Variants in SLC39A9 observed in about 807,000 individuals in gnomAD.
SLC39A9 encodes the protein zinc transporter ZIP9.
SLC39A9 carries 14 observed loss-of-function variants against 28.4 expected under a neutral mutation model. The ratio of observed to expected loss-of-function variants is 0.49; its 90% CI spans 0.33 to 0.77. The LOEUF is 0.77. Among genes scored for constraint, SLC39A9 ranks in the 30% least tolerant of loss-of-function variants. The probability of loss-of-function intolerance (pLI) is 0.02; values close to 1 mark genes in which losing one functional copy is unlikely to be tolerated. For synonymous variants in SLC39A9, 119 were observed against 149.6 expected (o/e 0.80, Z 1.49); for missense variants, 283 against 381.1 (o/e 0.74, Z 2.14).
rs199902329 is a variant in SLC39A9, at chr14:69,424,218, G to A, written c.205+16G>A. ...ATTCTTGAGGGTGAGAAAGGGAAGA[G>A]CATTATTTGAGATATGTTATTGACT... On this transcript the variant is annotated intron_variant, in intron 2 of 6. Coordinates refer to ENST00000336643, the MANE Select transcript of SLC39A9 (RefSeq NM_018375.5). 1,178 of 1,573,778 alleles carry A rather than the reference G, an allele frequency of 7.5e-4. 2 individuals are homozygous for A. Among genetic ancestry groups the A allele is most frequent in the Non-Finnish European group, 9.9e-4 (1,135 of 1,143,784 alleles).
In SLC39A9 at chr14:69,459,929, C is replaced by A; in HGVS notation, c.*1336C>A. 1 of 985,584 alleles carries A rather than the reference C, an allele frequency of 1.0e-6. No homozygotes were observed. Among genetic ancestry groups the A allele is most frequent in the Non-Finnish European group, 1.2e-6 (1 of 829,854 alleles). The allele number at this position is 985,584 out of a possible 1,614,324, so 61.1% of individuals were successfully genotyped here. A position where few individuals can be genotyped will look rare whatever the true frequency, so the allele number is the denominator to read the frequency against. ...AAAGAAATTACCTTTGTGTCAAATG[C>A]CGCTTTGTTGAGCCCTTAAAATACC... On this transcript the variant is annotated 3_prime_UTR_variant, in exon 7 of 7. Coordinates refer to ENST00000336643, the MANE Select transcript of SLC39A9 (RefSeq NM_018375.5).
At chr14:69,406,845 TTTG>T (rs1374177689) in intron 1 of SLC39A9, among the ~76,000 whole-genome samples, 2 of 119,726 alleles carry the variant, frequency 1.7e-5, no homozygotes, top group Non-Finnish European at 3.4e-5. Flanking sequence ...CTGGAAATTC[TTTG>T]TTTTTTTTTT....
chr14:69,454,487 TTAAC>T (rs1031685609), intron 4 of SLC39A9, among the ~76,000 whole-genome samples: 2 of 152,362 alleles, frequency 1.3e-5, no homozygotes, highest in Middle Eastern at 3.4e-3. Flanking sequence ...TAGAATTTGA[TTAAC>T]TAATCAATGG....
At chr14:69,440,250 G>A (rs1884977256) in intron 2 of SLC39A9, among the ~76,000 whole-genome samples, 1 of 152,024 alleles carries the variant, frequency 6.6e-6, no homozygotes, top group South Asian at 2.1e-4. Context: ...TCATGCCACT[G>A]CACTCCAACC....
intron 2 of SLC39A9, among the ~76,000 whole-genome samples, chr14:69,424,863 A>G (rs945146052): frequency 6.6e-6 from 1 of 152,236 alleles, no homozygotes; most frequent in Non-Finnish European, 1.5e-5. Flanking sequence ...TAAATCCATG[A>G]GCTGAATCCT....
chr14:69,403,549 G>C (rs1263181232), intron 1 of SLC39A9, among the ~76,000 whole-genome samples: 1 of 151,918 alleles, frequency 6.6e-6, no homozygotes, highest in Admixed American at 6.6e-5. Context: ...TTATAAAAAT[G>C]AAATAGTAGG....
At chr14:69,455,982 G>A (rs1885837844) in intron 6 of SLC39A9, 116 bp downstream of exon 6, 2 of 1,275,858 alleles carry the variant, frequency 1.6e-6, no homozygotes, top group South Asian at 1.5e-5. Context: ...GATAAAATTA[G>A]GAGTAAAAAC....
At chr14:69,410,581 G>C (rs1164410436) in intron 1 of SLC39A9, among the ~76,000 whole-genome samples, 1 of 152,192 alleles carries the variant, frequency 6.6e-6, no homozygotes, top group Non-Finnish European at 1.5e-5. Flanking sequence ...CAGCTGTAAG[G>C]ACTTGAAGAA....
In SLC39A9 at chr14:69,461,316, C is replaced by T; in HGVS notation, c.*2723C>T. 1 of 1,055,388 alleles carries T rather than the reference C, an allele frequency of 9.5e-7. No homozygotes were observed. The highest frequency in any genetic ancestry group is 1.1e-6 in the Non-Finnish European group (1 of 870,716). The allele number at this position is 1,055,388 out of a possible 1,614,324, so 65.4% of individuals were successfully genotyped here. A position where few individuals can be genotyped will look rare whatever the true frequency, so the allele number is the denominator to read the frequency against. ...AGTTAAAGAATACTACTGCTCCATT[C>T]CCCTCACTTATTCTCCAGTTAATTG... On this transcript the variant is annotated 3_prime_UTR_variant, in exon 7 of 7. Transcript: ENST00000336643.
At chr14:69,451,510 A>G (rs1377958768) in intron 3 of SLC39A9, among the ~76,000 whole-genome samples, 1 of 152,222 alleles carries the variant, frequency 6.6e-6, no homozygotes, top group Non-Finnish European at 1.5e-5. Flanking sequence ...GCTGTGCTAC[A>G]TTCTGTCAGA....
At chr14:69,436,094 A>G (rs975792917) in intron 2 of SLC39A9, among the ~76,000 whole-genome samples, 7 of 151,566 alleles carry the variant, frequency 4.6e-5, no homozygotes, top group Non-Finnish European at 7.4e-5. Flanking sequence ...GAGGATGTTC[A>G]TTTATTTGAG....
At chr14:69,413,968 A>C (rs1175281660) in intron 1 of SLC39A9, among the ~76,000 whole-genome samples, 1 of 152,084 alleles carries the variant, frequency 6.6e-6, no homozygotes, top group Non-Finnish European at 1.5e-5. Context: ...CCTATTTTTA[A>C]AACATGGGTC....
chr14:69,404,739 C>T (rs1161263525), intron 1 of SLC39A9, among the ~76,000 whole-genome samples: 1 of 152,138 alleles, frequency 6.6e-6, no homozygotes, highest in Non-Finnish European at 1.5e-5. Flanking sequence ...CAGGGCTTTT[C>T]CTCTACCCTC....
intron 3 of SLC39A9, among the ~76,000 whole-genome samples, chr14:69,447,981 G>A (rs377099756): frequency 4.6e-5 from 7 of 150,708 alleles, no homozygotes; most frequent in East Asian, 1.9e-4. Flanking sequence ...TTGGGAGGCC[G>A]AGGCAGGTGG....
chr14:69,400,980 TAAA>T (rs76895057), intron 1 of SLC39A9, among the ~76,000 whole-genome samples: 2 of 134,622 alleles, frequency 1.5e-5, no homozygotes, highest in Non-Finnish European at 1.6e-5. Context: ...CTCTTTCTCT[TAAA>T]AAAAAAAAAA....
In SLC39A9 at chr14:69,444,702, A is replaced by C. The variant is rs575664950; in HGVS notation, c.403+2436A>C. On this transcript the variant is annotated intron_variant, in intron 3 of 6. Transcript: ENST00000336643. ...AAATACATATGCACAAGATTATTCA[A>C]TGCAGCATTATTTATCATTGGAAAA... is the stretch of plus-strand genomic sequence containing the variant. Among the ~76,000 whole-genome samples the C allele has an allele frequency of 3.3e-5, 5 of 152,366 alleles. No homozygotes were observed. The South Asian group carries it at 1.0e-3, about 32-fold the overall frequency.
intron 2 of SLC39A9, among the ~76,000 whole-genome samples, chr14:69,437,226 C>T (rs948371136): frequency 1.3e-5 from 2 of 152,098 alleles, no homozygotes; most frequent in Middle Eastern, 3.2e-3. Context: ...GCCTTTGTTG[C>T]CACCATGCAG....
Position 69,460,563 on chromosome 14 carries a change from G to A in SLC39A9, c.*1970G>A. On this transcript the variant is annotated 3_prime_UTR_variant, in exon 7 of 7. Coordinates refer to ENST00000336643, the MANE Select transcript of SLC39A9 (RefSeq NM_018375.5). ...CAGATTGTAGTGTCTGGTTTGGTTT[G>A]GACAGTAGTGCTTTCTATCATATTG... 1.0e-6 allele frequency: 1 copy of A among 985,382 alleles called. No homozygotes were observed. The highest frequency in any genetic ancestry group is 1.2e-6 in the Non-Finnish European group (1 of 829,904). 61.0% of individuals were successfully genotyped at this position (985,382 alleles called of 1,614,324 possible).
chr14:69,413,868 C>T (rs944479146), intron 1 of SLC39A9, among the ~76,000 whole-genome samples: 1 of 151,558 alleles, frequency 6.6e-6, no homozygotes, highest in African/African-American at 2.4e-5. Flanking sequence ...CTTTGGCCTT[C>T]GATTCTCCAT....
Sources: gnomAD v4.1 joint callset for allele counts (sites outside exome capture counted in the v4.1 genomes callset) on GRCh38, gnomAD v4.1.1 for gene constraint, MANE v1.5 for transcripts, NCBI Gene and HGNC (gene_info 2026-07-23, HGNC 2026-07-21) for gene names.